Variants in PRRG3 observed in about 807,000 individuals in gnomAD.
The protein encoded by PRRG3 is proline rich and Gla domain 3, also known as transmembrane gamma-carboxyglutamic acid protein 3.
In PRRG3, 21 loss-of-function variants were observed where a neutral mutation model predicts 15.8. The observed-to-expected ratio is 1.33, with a 90% CI of 0.94 to 1.92. The LOEUF (loss-of-function observed/expected upper bound fraction) is 1.92. Among genes scored for constraint, PRRG3 ranks in the 40% most tolerant of loss-of-function variants. PRRG3 has a pLI of 0.00. For missense variants in PRRG3, 251 were observed against 200.2 expected (o/e 1.25, Z -1.53); for synonymous variants, 125 against 84.1 (o/e 1.49, Z -2.66).
chrX:151,702,943 T>TGC lies in PRRG3; in HGVS notation c.*1911_*1912dup, dbSNP rs2014909762. On this transcript the variant is annotated 3_prime_UTR_variant, in exon 4 of 4. Coordinates refer to ENST00000674457, the MANE Select transcript of PRRG3 (RefSeq NM_001372163.1). ...CTCTCCCAGTATTTCTTCAAGTAGG[T>TGC]GCCAGAGTGTGACCTGGGAGCAGGT... 8.9e-6 allele frequency: 1 copy of TGC among 112,492 alleles called. No homozygotes were observed. Among genetic ancestry groups the TGC allele is most frequent in the Non-Finnish European group, 1.9e-5 (1 of 53,251 alleles). The allele number at this position is 112,492 out of a possible 1,213,427, so 9.3% of individuals were successfully genotyped here.
rs149940899 is a variant in PRRG3, at chrX:151,700,964, C to A, written c.627C>A (p.Ser209Arg). The A allele has an allele frequency of 8.3e-7, 1 of 1,203,687 alleles. No individual in the cohort carries two copies. The highest frequency in any genetic ancestry group is 1.7e-5 in the African/African-American group (1 of 57,669). The change falls in exon 4 of 4, where the codon AGC becomes AGA. Residue 209 changes from serine (S) to arginine (R), a missense_variant. Transcript: ENST00000674457. ...APQESSSEEA[S>R]VSYSDPPPKY... ...AAGAGAGCAGCAGTGAGGAGGCCAG[C>A]GTGTCTTACAGTGACCCACCCCCAA...
At chrX:151,694,934 C>G (rs2014729248), upstream of PRRG3, among the ~76,000 whole-genome samples, 2 of 110,520 alleles carry the variant, frequency 1.8e-5, no homozygotes, top group Admixed American at 9.4e-5. Context: ...TCAGGCCCCG[C>G]CCCCCGGCGG....
chrX:151,700,322 T>C (rs2014845959), intron 3 of PRRG3, 166 bp downstream of exon 3: 3 of 1,147,211 alleles, frequency 2.6e-6, no homozygotes, highest in Non-Finnish European at 3.5e-6. Context: ...TCCCATTGCC[T>C]GACTCTTTTG....
upstream of PRRG3, chrX:151,695,272 C>G (rs1263480634): frequency 6.4e-5 from 7 of 110,016 alleles, no homozygotes; most frequent in East Asian, 1.2e-3. Flanking sequence ...AGGGGGGTGC[C>G]GAGGTAATGG....
chrX:151,695,050 C>G (rs1252120896), upstream of PRRG3: 1 of 109,466 alleles, frequency 9.1e-6, no homozygotes, highest in Non-Finnish European at 1.9e-5. Context: ...CTCTCCCAAC[C>G]CCCTCGGCCC....
chrX:151,698,826 G>A lies in PRRG3; in HGVS notation c.7+5G>A. On this transcript the variant is annotated splice_donor_5th_base_variant and intron_variant, in intron 2 of 3. Coordinates refer to ENST00000674457, the MANE Select transcript of PRRG3 (RefSeq NM_001372163.1). ...GCTGAGGGAGCATCATGGCAGGTGA[G>A]TTTTTCCAGGCCTGGGCAGAGCCGT... is the stretch of plus-strand genomic sequence containing the variant. 8.3e-7 allele frequency: 1 copy of A among 1,203,823 alleles called. No individual in the cohort carries two copies. Among genetic ancestry groups the A allele is most frequent in the Non-Finnish European group, 1.1e-6 (1 of 890,234 alleles).
In PRRG3 at chrX:151,704,960, T is replaced by G. The variant is rs1299653432; in HGVS notation, c.*3927T>G. On this transcript the variant is annotated 3_prime_UTR_variant, in exon 4 of 4. Transcript: ENST00000674457. ...CTGTGATTCTGGCTACATAAAAATA[T>G]TTGAAATATTCTTCCCTTTAGTCAA... 1 of 123,704 alleles carries G rather than the reference T, an allele frequency of 8.1e-6. No homozygotes were observed. Among genetic ancestry groups the G allele is most frequent in the Non-Finnish European group, 1.6e-5 (1 of 61,010 alleles). The allele number at this position is 123,704 out of a possible 1,213,427, so 10.2% of individuals were successfully genotyped here.
chrX:151,700,865 C>T lies in PRRG3; in HGVS notation c.528C>T (p.Tyr176=), dbSNP rs752173615. Residue 176 remains tyrosine (Y), a synonymous_variant, in exon 4 of 4, where the codon TAC becomes TAT. Coordinates refer to ENST00000674457, the MANE Select transcript of PRRG3 (RefSeq NM_001372163.1). ...CAGTCCGGCTAGAGAGCACCCTCTA[C>T]CTCCCTGAGCTCTCTCTCTCCAGAC... is the stretch of plus-strand genomic sequence containing the variant. ...RTTVRLESTL[Y]LPELSLSRLS... 1.7e-5 allele frequency: 20 copies of T among 1,205,734 alleles called. No individual in the cohort carries two copies. The Admixed American group carries it at 1.8e-4, about 11-fold the overall frequency.
chrX:151,694,978 G>A (rs1272613887), upstream of PRRG3: 2 of 109,350 alleles, frequency 1.8e-5, no homozygotes, highest in African/African-American at 3.3e-5. Flanking sequence ...CCGGCAGAGT[G>A]GGGCGCGGGC....
Position 151,700,889 on chromosome X carries a change from A to G in PRRG3, c.552A>G (p.Arg184=). 2.5e-6 allele frequency: 3 copies of G among 1,208,946 alleles called. No individual in the cohort carries two copies. The highest frequency in any genetic ancestry group is 3.4e-6 in the Non-Finnish European group (3 of 894,557). Residue 184 remains arginine, a synonymous_variant, in exon 4 of 4, where the codon AGA becomes AGG. Transcript: ENST00000674457. ...TLYLPELSLS[R]LSSTTPPPSY... ...ACCTCCCTGAGCTCTCTCTCTCCAG[A>G]CTGTCCAGCACCACCCCTCCCCCCT... is the stretch of plus-strand genomic sequence containing the variant.
At chrX:151,696,652 A>C (rs2124337058) in intron 1 of PRRG3, among the ~76,000 whole-genome samples, 1 of 111,246 alleles carries the variant, frequency 9.0e-6, no homozygotes, top group Non-Finnish European at 1.9e-5. Flanking sequence ...TTAAGACTAT[A>C]TGCATTCTTC....
chrX:151,695,440 G>A (rs1355399422), upstream of PRRG3: 1 of 111,457 alleles, frequency 9.0e-6, no homozygotes, highest in African/African-American at 3.3e-5. Flanking sequence ...CTTGGCCGAC[G>A]GGGAGCAGGT....
chrX:151,695,324 G>A (rs1312450392), upstream of PRRG3: 1 of 110,105 alleles, frequency 9.1e-6, no homozygotes, highest in African/African-American at 3.3e-5. Context: ...GGGGTTCCAG[G>A]CGCACTTCGG....
At chrX:151,700,296 G>C (rs2014844214) in intron 3 of PRRG3, 140 bp downstream of exon 3, 1 of 1,163,877 alleles carries the variant, frequency 8.6e-7, no homozygotes, top group South Asian at 2.0e-5. Context: ...TCACGGAGCA[G>C]ATAAAGTACG....
Position 151,705,014 on chromosome X carries a change from C to A in PRRG3, c.*3981C>A, listed in dbSNP as rs1602992449. 1 of 152,630 alleles carries A rather than the reference C, an allele frequency of 6.6e-6. No homozygotes were observed. Among genetic ancestry groups the A allele is most frequent in the East Asian group, 2.0e-4 (1 of 5,084 alleles). The allele number at this position is 152,630 out of a possible 1,213,427, so 12.6% of individuals were successfully genotyped here. ...TCAGGGTCTTTTGTGTAAGAGAAAT[C>A]CAGTTTAAAATGAGTACCCTTTTCA... On this transcript the variant is annotated 3_prime_UTR_variant, in exon 4 of 4. Transcript: ENST00000674457.
At position 151,700,885 on chromosome X, in the gene PRRG3, C is replaced by G. The variant is rs780979022; in HGVS notation, c.548C>G (p.Ser183Cys). Residue 183 changes from serine to cysteine, a missense_variant, in exon 4 of 4, where the codon TCC becomes TGC. Transcript: ENST00000674457. ...CTCTACCTCCCTGAGCTCTCTCTCT[C>G]CAGACTGTCCAGCACCACCCCTCCC... ...STLYLPELSL[S>C]RLSSTTPPPS... is the part of the protein sequence containing the mutation. The G allele has an allele frequency of 1.7e-6, 2 of 1,210,335 alleles. No homozygotes were observed. The highest frequency in any genetic ancestry group is 2.2e-6 in the Non-Finnish European group (2 of 894,980).
chrX:151,694,933 GC>G (rs1271934179), upstream of PRRG3, among the ~76,000 whole-genome samples: 5 of 110,557 alleles, frequency 4.5e-5, no homozygotes, highest in South Asian at 1.1e-3. Flanking sequence ...GTCAGGCCCC[GC>G]CCCCCGGCGG....
rs2014899533 is a variant in PRRG3 at position 151,702,293 on chromosome X, T to G, written c.*1260T>G. ...AATCCACTGAGCTGACAAGCTTTTT[T>G]CTGTCAAAATATCTCTCTAAGGCAG... On this transcript the variant is annotated 3_prime_UTR_variant, in exon 4 of 4. Coordinates refer to ENST00000674457, the MANE Select transcript of PRRG3 (RefSeq NM_001372163.1). 1 of 112,810 alleles carries G rather than the reference T, an allele frequency of 8.9e-6. No individual in the cohort carries two copies. The highest frequency in any genetic ancestry group is 2.8e-4 in the East Asian group (1 of 3,585). 9.3% of individuals were successfully genotyped at this position (112,810 alleles called of 1,213,427 possible).
At position 151,703,987 on chromosome X, in the gene PRRG3, C is replaced by T. The variant is rs192070869; in HGVS notation, c.*2954C>T. 2.2e-5 allele frequency: 2 copies of T among 89,884 alleles called. No individual in the cohort carries two copies. The highest frequency in any genetic ancestry group is 2.1e-5 in the Non-Finnish European group (1 of 46,929). The allele number at this position is 89,884 out of a possible 1,213,427, so 7.4% of individuals were successfully genotyped here. A position where few individuals can be genotyped will look rare whatever the true frequency, so the allele number is the denominator to read the frequency against. On this transcript the variant is annotated 3_prime_UTR_variant, in exon 4 of 4. Coordinates refer to ENST00000674457, the MANE Select transcript of PRRG3 (RefSeq NM_001372163.1). ...ATGTGTGACTATTGACTTTGGGTAT[C>T]GCGGGACTAGTTAATTAGATGTTTT...
Sources: allele counts gnomAD v4.1 joint callset (sites outside exome capture counted in the v4.1 genomes callset), GRCh38; gene constraint gnomAD v4.1.1; transcripts MANE v1.5; gene names NCBI Gene and HGNC (gene_info 2026-07-23, HGNC 2026-07-21).